Variants in CACNA2D3 observed in about 807,000 individuals in gnomAD.
The protein encoded by CACNA2D3 is voltage-dependent calcium channel subunit alpha-2/delta-3.
A neutral mutation model predicts 160.6 loss-of-function variants in CACNA2D3; 60 were observed. The observed-to-expected ratio is 0.37, with a 90% CI of 0.30 to 0.46. The LOEUF (loss-of-function observed/expected upper bound fraction) is 0.46, where lower values mean the gene tolerates loss of function less well. Ranked by LOEUF, CACNA2D3 falls within the 20% of genes least tolerant of loss-of-function variation. The pLI, the probability that CACNA2D3 is intolerant of heterozygous loss-of-function variation, is 1.00. For missense variants in CACNA2D3, 1,205 were observed against 1,365.0 expected, an observed-to-expected ratio of 0.88 and a Z score of 1.85; for synonymous variants, 558 against 492.9, an observed-to-expected ratio of 1.13 and a Z score of -1.75.
At chr3:54,507,924 G>A (rs547592466) in intron 5 of CACNA2D3, among the ~76,000 whole-genome samples, 35 of 152,364 alleles carry the variant, frequency 2.3e-4, no homozygotes, top group African/African-American at 7.2e-4. Context: ...GGGGTGGATG[G>A]CACATGGTGT....
At chr3:54,387,310 G>A (rs1017374222) in intron 4 of CACNA2D3, among the ~76,000 whole-genome samples, 5 of 152,138 alleles carry the variant, frequency 3.3e-5, no homozygotes, top group Non-Finnish European at 5.9e-5. Context: ...TTTTGATGTC[G>A]ATGTGTATAG....
At chr3:54,555,289 G>A (rs1160433583) in intron 5 of CACNA2D3, among the ~76,000 whole-genome samples, 1 of 152,140 alleles carries the variant, frequency 6.6e-6, no homozygotes, top group African/African-American at 2.4e-5. Context: ...TAATTTGCTT[G>A]GATCTATGTG....
chr3:54,401,877 G>A (rs1001750848), intron 4 of CACNA2D3, among the ~76,000 whole-genome samples: 7 of 152,210 alleles, frequency 4.6e-5, no homozygotes, highest in South Asian at 2.1e-4. Flanking sequence ...TCTGTAAATC[G>A]TATATATCTC....
At chr3:54,981,424 A>G (rs956357540) in intron 29 of CACNA2D3, among the ~76,000 whole-genome samples, 1 of 152,182 alleles carries the variant, frequency 6.6e-6, no homozygotes, top group Non-Finnish European at 1.5e-5. Context: ...TTTACCTAAC[A>G]GAGGATAAAT....
At chr3:54,667,927 A>G (rs1700096384) in intron 11 of CACNA2D3, among the ~76,000 whole-genome samples, 1 of 142,418 alleles carries the variant, frequency 7.0e-6, no homozygotes, top group Non-Finnish European at 1.5e-5. Context: ...AGCCTGGGCG[A>G]CAGAATGAGA....
chr3:54,955,594 A>G (rs1701867578), intron 27 of CACNA2D3, among the ~76,000 whole-genome samples: 1 of 152,220 alleles, frequency 6.6e-6, no homozygotes, highest in Admixed American at 6.5e-5. Flanking sequence ...AAGGTCTATC[A>G]GCATGTCAAA....
intron 2 of CACNA2D3, among the ~76,000 whole-genome samples, chr3:54,276,579 A>AG (rs577838144): frequency 4.6e-5 from 6 of 131,606 alleles, no homozygotes; most frequent in Non-Finnish European, 1.0e-4. Context: ...TCTCAAAAAA[A>AG]AAAAAAAAAA....
intron 3 of CACNA2D3, among the ~76,000 whole-genome samples, chr3:54,352,914 A>G (rs1446935845): frequency 6.6e-6 from 1 of 152,232 alleles, no homozygotes; most frequent in Non-Finnish European, 1.5e-5. Flanking sequence ...TATGCGGCAC[A>G]TGAGATGTTT....
intron 3 of CACNA2D3, among the ~76,000 whole-genome samples, chr3:54,367,032 G>A (rs868167817): frequency 6.6e-6 from 1 of 152,170 alleles, no homozygotes; most frequent in African/African-American, 2.4e-5. Context: ...CACCTGCCAG[G>A]TGGAAGTTGT....
chr3:54,212,655 A>G (rs548963645), intron 2 of CACNA2D3, among the ~76,000 whole-genome samples: 2 of 152,250 alleles, frequency 1.3e-5, no homozygotes, highest in East Asian at 3.9e-4. Flanking sequence ...CCCACTTCCT[A>G]TCATGGCCTG....
chr3:54,418,616 A>G (rs1699793585), intron 4 of CACNA2D3, among the ~76,000 whole-genome samples: 1 of 152,214 alleles, frequency 6.6e-6, no homozygotes, highest in African/African-American at 2.4e-5. Flanking sequence ...CTTTGAGGAA[A>G]TGTCTTCTGA....
intron 2 of CACNA2D3, among the ~76,000 whole-genome samples, chr3:54,157,405 A>C (rs1700262875): frequency 6.6e-6 from 1 of 152,228 alleles, no homozygotes; most frequent in African/African-American, 2.4e-5. Flanking sequence ...TTTGGAAGTC[A>C]GCAGAGGTCT....
intron 3 of CACNA2D3, among the ~76,000 whole-genome samples, chr3:54,364,436 A>C (rs889181179): frequency 3.3e-5 from 5 of 152,234 alleles, no homozygotes; most frequent in Non-Finnish European, 7.3e-5. Flanking sequence ...CATTTATGGA[A>C]ATTTCCTGTC....
intron 2 of CACNA2D3, among the ~76,000 whole-genome samples, chr3:54,222,950 T>G (rs1227448095): frequency 2.0e-5 from 3 of 152,254 alleles, no homozygotes; most frequent in African/African-American, 7.2e-5. Context: ...GTCATATTAT[T>G]GTTTTTCATT....
At chr3:54,252,129 G>T (rs1336910139) in intron 2 of CACNA2D3, among the ~76,000 whole-genome samples, 2 of 95,756 alleles carry the variant, frequency 2.1e-5, no homozygotes, top group African/African-American at 6.3e-5. Flanking sequence ...GATACTCTCC[G>T]TCTCTCCCAT....
intron 8 of CACNA2D3, among the ~76,000 whole-genome samples, chr3:54,577,075 A>C (rs1009448388): frequency 3.9e-5 from 6 of 152,026 alleles, no homozygotes; most frequent in Non-Finnish European, 7.4e-5. Flanking sequence ...AAAAGGAAAA[A>C]AGGCCTTATG....
chr3:54,398,838 G>A (rs1169011245), intron 4 of CACNA2D3, among the ~76,000 whole-genome samples: 1 of 2,142 alleles, frequency 4.7e-4, no homozygotes, highest in Admixed American at 6.3e-3. Flanking sequence ...GGCGTTCTCT[G>A]TAGTTCCTGA....
At chr3:54,972,515 C>T (rs1352286931) in intron 29 of CACNA2D3, among the ~76,000 whole-genome samples, 2 of 152,122 alleles carry the variant, frequency 1.3e-5, no homozygotes, top group Admixed American at 6.5e-5. Context: ...ATGATCAGGT[C>T]TCCATTAAAA....
intron 2 of CACNA2D3, among the ~76,000 whole-genome samples, chr3:54,129,810 A>G (rs540021104): frequency 2.0e-5 from 3 of 152,306 alleles, no homozygotes; most frequent in Middle Eastern, 6.8e-3. Flanking sequence ...CCATTACCGT[A>G]ATACTTATTA....
Sources: gnomAD v4.1 joint callset for allele counts (sites outside exome capture counted in the v4.1 genomes callset) on GRCh38, gnomAD v4.1.1 for gene constraint, MANE v1.5 for transcripts, NCBI Gene and HGNC (gene_info 2026-07-23, HGNC 2026-07-21) for gene names.